PACS2: variants seen among roughly 807,000 people sequenced by gnomAD.
PACS2 encodes the protein phosphofurin acidic cluster sorting protein 2.
A neutral mutation model predicts 113.0 loss-of-function variants in PACS2; 36 were observed. The ratio of observed to expected loss-of-function variants is 0.32; its 90% CI spans 0.24 to 0.42. The LOEUF (loss-of-function observed/expected upper bound fraction) is 0.42. Ranked by LOEUF, PACS2 falls within the 10% of genes least tolerant of loss-of-function variation. The pLI is 1.00. For synonymous variants in PACS2, 589 were observed against 536.1 expected (o/e 1.10, Z -1.36); for missense variants, 1,015 against 1,239.5 (o/e 0.82, Z 2.72).
At chr14:105,371,111 A>T (rs893767519) in intron 8 of PACS2, 2 of 152,252 alleles carry the variant, frequency 1.3e-5, no homozygotes, top group Non-Finnish European at 2.9e-5. Flanking sequence ...GGCAGGCAGC[A>T]TTTCTGGGAA....
chr14:105,311,951 C>T (rs1482591337), upstream of PACS2, among the ~76,000 whole-genome samples: 1 of 152,198 alleles, frequency 6.6e-6, no homozygotes, highest in African/African-American at 2.4e-5. Flanking sequence ...TGGGCAGGGA[C>T]CTGGCCACGT....
chr14:105,369,282 G>A (rs2061063168), intron 7 of PACS2, among the ~76,000 whole-genome samples: 1 of 152,248 alleles, frequency 6.6e-6, no homozygotes, highest in Admixed American at 6.5e-5. Context: ...ACACCAGCTT[G>A]AGCCTCCATT....
rs1157752286 is a variant in PACS2 at position 105,362,416 on chromosome 14, C to CA, written c.424-4783dup. On this transcript the variant is annotated intron_variant, in intron 4 of 24. Transcript: ENST00000447393. Reference sequence around the variant, plus strand: ...TGGGCGACAGAGCGAGACTCCGTCTCAAAAAAAAAAAAAAGAAAAGAAAAA... The same window carrying CA: ...TGGGCGACAGAGCGAGACTCCGTCTCAAAAAAAAAAAAAAAGAAAAGAAAAA... Among the ~76,000 whole-genome samples, 649 of 67,766 alleles carry CA rather than the reference C, an allele frequency of 9.6e-3. 3 individuals are homozygous for CA. Among genetic ancestry groups the CA allele is most frequent in the Middle Eastern group, 0.033 (3 of 92 alleles). 44.5% of individuals were successfully genotyped at this position (67,766 alleles called of 152,430 possible).
rs781979650 is a variant in PACS2 at position 105,391,645 on chromosome 14, G to A, written c.2134G>A (p.Ala712Thr). The change falls in exon 22 of 25, where the codon GCG becomes ACG. Residue 712 changes from alanine to threonine, a missense_variant. Ala to Thr is a moderately conservative substitution (Grantham distance 58). Transcript: ENST00000447393. Reference protein sequence around the residue: ...SSATSGDSDDAAPSGSGTLSS... With the variant: ...SSATSGDSDDTAPSGSGTLSS... ...CCTCCCCAAAGGCGACTCGGACGAC[G>A]CGGCCCCCTCGGGCTCTGGCACGCT... 5.7e-5 allele frequency: 91 copies of A among 1,609,942 alleles called. No individual in the cohort carries two copies. Among genetic ancestry groups the A allele is most frequent in the Non-Finnish European group, 7.1e-5 (84 of 1,179,482 alleles).
chr14:105,325,602 G>C (rs114996554), intron 1 of PACS2, among the ~76,000 whole-genome samples: 2,026 of 152,320 alleles, frequency 0.013, 49 homozygotes, highest in African/African-American at 0.046. Context: ...GGTGTGTCTT[G>C]AGCTGGGCAG....
intron 18 of PACS2, 57 bp from the exon 19 acceptor site, chr14:105,385,628 G>A: frequency 1.5e-6 from 2 of 1,296,234 alleles, no homozygotes; most frequent in Non-Finnish European, 2.1e-6. Flanking sequence ...GGTCCCTGGA[G>A]GGGTCCTGAG....
intron 15 of PACS2, 163 bp from the exon 16 acceptor site, chr14:105,383,196 G>A (rs988946155): frequency 7.4e-6 from 6 of 813,752 alleles, no homozygotes; most frequent in East Asian, 2.5e-5. Flanking sequence ...GCCTGGGCAC[G>A]TTTGGGCATG....
chr14:105,307,662 T>A (rs2058228962), intron 1 of PACS2, among the ~76,000 whole-genome samples: 1 of 152,248 alleles, frequency 6.6e-6, no homozygotes, highest in Non-Finnish European at 1.5e-5. Context: ...TATGGCCTTC[T>A]CACCTTCTCA....
Position 105,306,391 on chromosome 14 carries a change from C to G in PACS2, c.-83+5412C>G, listed in dbSNP as rs1039649692. On this transcript the variant is annotated intron_variant, in intron 1 of 23. Transcript: ENST00000430725. ...CCATCTCGACTCAGTGCAACCTCTG[C>G]CTCCCAGGTTCAAGCGATTCTCCTG... 2.0e-5 allele frequency among the ~76,000 whole-genome samples: 3 copies of G among 152,178 alleles called. No individual in the cohort carries two copies. The East Asian group carries it at 5.8e-4, about 29-fold the overall frequency.
Position 105,315,825 on chromosome 14 carries a change from A to G in PACS2, c.119+788A>G, listed in dbSNP as rs2058586751. ...TTCCTGCTCAGGAAGCTCCCAGGCTAAGGAGGAGAGAGACACGCTCTCCGG... is the reference window on the plus strand; with the variant it reads ...TTCCTGCTCAGGAAGCTCCCAGGCTGAGGAGGAGAGAGACACGCTCTCCGG... On this transcript the variant is annotated intron_variant, in intron 1 of 24. Coordinates refer to ENST00000447393, the MANE Select transcript of PACS2 (RefSeq NM_001100913.3). This position sits in a 1 kb window ranked among gnomAD's most constrained non-coding sequence, Gnocchi z 4.4. Among the ~76,000 whole-genome samples, 1 of 152,214 alleles carries G rather than the reference A, an allele frequency of 6.6e-6. No homozygotes were observed. Among genetic ancestry groups the G allele is most frequent in the African/African-American group, 2.4e-5 (1 of 41,470 alleles).
intron 2 of PACS2, among the ~76,000 whole-genome samples, chr14:105,351,429 A>G (rs2060175265): frequency 6.6e-6 from 1 of 152,178 alleles, no homozygotes; most frequent in Non-Finnish European, 1.5e-5. Flanking sequence ...TCCTGCACCT[A>G]CATCTAGGCT....
chr14:105,314,123 C>T (rs1474571135), upstream of PACS2, among the ~76,000 whole-genome samples: 2 of 152,348 alleles, frequency 1.3e-5, no homozygotes, highest in East Asian at 3.9e-4. Flanking sequence ...TCCCCGCGAC[C>T]GCCGCCAGGC....
rs1462682685 is a variant in PACS2, at chr14:105,340,512, C to T, written c.120-7981C>T. On this transcript the variant is annotated intron_variant, in intron 1 of 24. Transcript: ENST00000447393. The surrounding 1 kb of genome is among the most constrained non-coding windows in gnomAD (Gnocchi z 4.2). Reference sequence around the variant, plus strand: ...ACCTCCGATCATCAGCCATCAGATTCTCATAAGCAGCGTGCAGCCTGGATC... The same window carrying T: ...ACCTCCGATCATCAGCCATCAGATTTTCATAAGCAGCGTGCAGCCTGGATC... Among the ~76,000 whole-genome samples the T allele has an allele frequency of 2.0e-5, 3 of 152,226 alleles. No homozygotes were observed. The highest frequency in any genetic ancestry group is 7.2e-5 in the African/African-American group (3 of 41,462).
intron 1 of PACS2, among the ~76,000 whole-genome samples, chr14:105,332,625 A>G (rs2059346924): frequency 6.6e-6 from 1 of 152,132 alleles, no homozygotes; most frequent in Non-Finnish European, 1.5e-5. Context: ...ACTTCTTCCC[A>G]AGTGGGAGCT....
chr14:105,368,860 T>A (rs2061048382), intron 7 of PACS2, among the ~76,000 whole-genome samples: 1 of 152,240 alleles, frequency 6.6e-6, no homozygotes, highest in East Asian at 1.9e-4. Context: ...TCCCGTCAGG[T>A]GCCCACATAC....
chr14:105,367,112 CACTG>C, intron 4 of PACS2, 97 bp from the exon 5 acceptor site: 1 of 1,098,994 alleles, frequency 9.1e-7, no homozygotes, highest in South Asian at 1.5e-5. Flanking sequence ...CCCTTGCTGT[CACTG>C]AGAGAGAAAG....
chr14:105,377,311 G>A (rs1280794562), intron 9 of PACS2, among the ~76,000 whole-genome samples: 1 of 152,094 alleles, frequency 6.6e-6, no homozygotes, highest in Non-Finnish European at 1.5e-5. Context: ...CCCATGCTGG[G>A]TGCCCCTCCC....
At chr14:105,361,557 A>C (rs1396187950) in intron 4 of PACS2, among the ~76,000 whole-genome samples, 4 of 152,258 alleles carry the variant, frequency 2.6e-5, no homozygotes, top group African/African-American at 9.6e-5. Context: ...GAATCGGTTG[A>C]ACCTGGGAGG....
At chr14:105,382,150 C>A in intron 13 of PACS2, 92 bp downstream of exon 13, 1 of 1,354,812 alleles carries the variant, frequency 7.4e-7, no homozygotes, top group Non-Finnish European at 9.9e-7. Context: ...GCACAGGGGG[C>A]CAAGGGTGCT....
Sources: allele counts gnomAD v4.1 joint callset (sites outside exome capture counted in the v4.1 genomes callset), GRCh38; gene constraint gnomAD v4.1.1; non-coding constraint Gnocchi (gnomAD v3.1); transcripts MANE v1.5; gene names NCBI Gene and HGNC (gene_info 2026-07-23, HGNC 2026-07-21).